CAST: variants seen among roughly 807,000 people sequenced by gnomAD.
CAST encodes the protein MIR583 host.
A neutral mutation model predicts 119.6 loss-of-function variants in CAST; 76 were observed. That is an observed-to-expected ratio of 0.64 (90% CI 0.53 to 0.77). CAST has a LOEUF of 0.77. Ranked by LOEUF, CAST falls within the 30% of genes least tolerant of loss-of-function variation. The pLI, the probability that CAST is intolerant of heterozygous loss-of-function variation, is 0.00. For synonymous variants in CAST, 319 were observed against 331.6 expected, an observed-to-expected ratio of 0.96 and a Z score of 0.41; for missense variants, 953 against 946.5, an observed-to-expected ratio of 1.01 and a Z score of -0.09.
the CAST span, among the ~76,000 whole-genome samples, chr5:96,428,262 T>TA: frequency 1.3e-5 from 2 of 152,150 alleles, no homozygotes; most frequent in African/African-American, 2.4e-5. Flanking sequence ...TATATATATA[T>TA]TTTCCCCCTG....
chr5:96,748,981 T>C (rs1179909194), intron 19 of CAST, among the ~76,000 whole-genome samples: 1 of 152,200 alleles, frequency 6.6e-6, no homozygotes, highest in Non-Finnish European at 1.5e-5. Context: ...TCTGTAGTTA[T>C]GTCATTCCTC....
chr5:95,982,132 C>T, the CAST span, among the ~76,000 whole-genome samples: 2 of 150,972 alleles, frequency 1.3e-5, no homozygotes, highest in Admixed American at 1.3e-4. Context: ...AAGCATTTTA[C>T]TGTATTACAT....
chr5:96,458,044 T>C, the CAST span, among the ~76,000 whole-genome samples: 28 of 152,310 alleles, frequency 1.8e-4, no homozygotes, highest in Admixed American at 1.3e-3. Flanking sequence ...GCTCGCCCAG[T>C]CTGTTTTCAT....
chr5:96,064,268 C>A, the CAST span, among the ~76,000 whole-genome samples: 4 of 152,096 alleles, frequency 2.6e-5, no homozygotes, highest in African/African-American at 9.7e-5. Flanking sequence ...GTTCTCTTAC[C>A]TCTTCTTACC....
At chr5:96,713,353 G>A (rs186577475) in intron 3 of CAST, among the ~76,000 whole-genome samples, 16 of 152,022 alleles carry the variant, frequency 1.1e-4, no homozygotes, top group Admixed American at 2.0e-4. Flanking sequence ...GGATGGTCAC[G>A]ATCTCCTGAC....
chr5:96,118,263 G>A, the CAST span, among the ~76,000 whole-genome samples: 1 of 151,528 alleles, frequency 6.6e-6, no homozygotes, highest in Non-Finnish European at 1.5e-5. Context: ...CAGTTAATTG[G>A]TTAATGTTTG....
In CAST at chr5:96,773,601, TTATA is replaced by T. The variant is rs34189592; in HGVS notation, c.*995_*998del. On this transcript the variant is annotated 3_prime_UTR_variant, in exon 32 of 32. Transcript: ENST00000675179. ...AAAGAAACTTCTGCTTTTAAAAAAA[TTATA>T]TATATATATTAAATTTGAAACCTGC... 3 of 151,530 alleles carry T rather than the reference TTATA, an allele frequency of 2.0e-5. No homozygotes were observed. The South Asian group carries it at 6.2e-4, about 32-fold the overall frequency. The allele number at this position is 151,530 out of a possible 1,614,324, so 9.4% of individuals were successfully genotyped here.
At chr5:96,616,009 C>T (rs1747449486) in intron 1 of CAST, among the ~76,000 whole-genome samples, 1 of 152,124 alleles carries the variant, frequency 6.6e-6, no homozygotes, top group Non-Finnish European at 1.5e-5. Flanking sequence ...GGCTAGGAGG[C>T]TAGGCCAGTC....
At chr5:96,443,971 C>T in the CAST span, among the ~76,000 whole-genome samples, 74 of 152,200 alleles carry the variant, frequency 4.9e-4, no homozygotes, top group African/African-American at 1.8e-3. Context: ...AAAATTTTTC[C>T]AGCATCTAAT....
the CAST span, among the ~76,000 whole-genome samples, chr5:96,193,563 T>C: frequency 6.6e-6 from 1 of 152,230 alleles, no homozygotes. Flanking sequence ...ATGTGTTGTA[T>C]GGCAAAATTC....
chr5:96,372,844 T>G, the CAST span, among the ~76,000 whole-genome samples: 1 of 152,190 alleles, frequency 6.6e-6, no homozygotes, highest in African/African-American at 2.4e-5. Context: ...GAAAAGGACA[T>G]CTTTTGCATC....
intron 2 of CAST, among the ~76,000 whole-genome samples, chr5:96,681,778 T>A (rs921442148): frequency 2.0e-5 from 3 of 151,924 alleles, no homozygotes; most frequent in Admixed American, 2.0e-4. Context: ...ACTTATATAT[T>A]AATATGTGTT....
At chr5:96,364,630 T>A in the CAST span, among the ~76,000 whole-genome samples, 1 of 152,266 alleles carries the variant, frequency 6.6e-6, no homozygotes, top group Non-Finnish European at 1.5e-5. Context: ...TATAGTATTC[T>A]CTGATGGTAG....
the CAST span, among the ~76,000 whole-genome samples, chr5:96,489,935 T>C: frequency 6.6e-6 from 1 of 152,184 alleles, no homozygotes; most frequent in Non-Finnish European, 1.5e-5. Context: ...ATGGACTTCA[T>C]CCTCTAGAAG....
chr5:96,372,005 A>G, the CAST span, among the ~76,000 whole-genome samples: 1 of 152,178 alleles, frequency 6.6e-6, no homozygotes, highest in South Asian at 2.1e-4. Flanking sequence ...TGTTTTTTTA[A>G]ACTAACATTT....
chr5:96,070,193 TC>T, the CAST span, among the ~76,000 whole-genome samples: 10 of 152,198 alleles, frequency 6.6e-5, no homozygotes, highest in Admixed American at 5.9e-4. Flanking sequence ...AATCTCACTA[TC>T]CCTAGTCAAG....
At chr5:96,613,733 T>A (rs1266352763) in intron 1 of CAST, among the ~76,000 whole-genome samples, 1 of 152,194 alleles carries the variant, frequency 6.6e-6, no homozygotes, top group African/African-American at 2.4e-5. Flanking sequence ...ACTACCTATC[T>A]CCCTGGAGAA....
the CAST span, among the ~76,000 whole-genome samples, chr5:96,202,521 T>A: frequency 2.6e-5 from 4 of 152,224 alleles, no homozygotes; most frequent in East Asian, 7.7e-4. Context: ...ATGAGAGGAT[T>A]TATTTAATTT....
intron 1 of CAST, among the ~76,000 whole-genome samples, chr5:96,617,158 T>C (rs1225621188): frequency 6.6e-6 from 1 of 152,130 alleles, no homozygotes; most frequent in Non-Finnish European, 1.5e-5. Context: ...TCTCCACCAG[T>C]GATTTTCAAC....
Sources: allele counts gnomAD v4.1 joint callset (sites outside exome capture counted in the v4.1 genomes callset), GRCh38; gene constraint gnomAD v4.1.1; transcripts MANE v1.5; gene names NCBI Gene and HGNC (gene_info 2026-07-23, HGNC 2026-07-21).